Variants in HRH1 observed in about 807,000 individuals in gnomAD.
HRH1 encodes histamine receptor H1.
Under a neutral mutation model 10.3 loss-of-function variants are expected in HRH1, and 6 were observed. The observed-to-expected ratio is 0.58, with a 90% CI of 0.32 to 1.15. HRH1 has a LOEUF of 1.15. Among genes scored for constraint, HRH1 ranks in the 50% most tolerant of loss-of-function variants. The probability of loss-of-function intolerance (pLI) is 0.05; values close to 1 mark genes in which losing one functional copy is unlikely to be tolerated. For missense variants in HRH1, 514 were observed against 615.3 expected, an observed-to-expected ratio of 0.84 and a Z score of 1.74; for synonymous variants, 242 against 236.7, an observed-to-expected ratio of 1.02 and a Z score of -0.21.
chr3:11,141,781 A>T (rs1241467651), intron 1 of HRH1, among the ~76,000 whole-genome samples: 1 of 152,148 alleles, frequency 6.6e-6, no homozygotes. Flanking sequence ...TGGGTTACCC[A>T]AGAACATGAA....
intron 1 of HRH1, among the ~76,000 whole-genome samples, chr3:11,198,985 A>G (rs1937792308): frequency 6.6e-6 from 1 of 151,286 alleles, no homozygotes; most frequent in Non-Finnish European, 1.5e-5. Flanking sequence ...GTGCAGTGAC[A>G]CTATCTCAGT....
intron 1 of HRH1, among the ~76,000 whole-genome samples, chr3:11,177,253 T>TTAAA (rs201560218): frequency 0.055 from 8,282 of 149,370 alleles, 397 homozygotes; most frequent in East Asian, 0.21. Context: ...AATAAATAAA[T>TTAAA]TAAATAAATA....
upstream of HRH1, among the ~76,000 whole-genome samples, chr3:11,150,426 G>A (rs761391780): frequency 2.2e-4 from 34 of 152,390 alleles, no homozygotes; most frequent in South Asian, 4.1e-4. Flanking sequence ...CACCCAGAGG[G>A]TGCAGTCCCC....
chr3:11,187,663 A>G (rs1937472093), intron 1 of HRH1, among the ~76,000 whole-genome samples: 1 of 152,210 alleles, frequency 6.6e-6, no homozygotes, highest in Admixed American at 6.5e-5. Context: ...AGGAACAGGA[A>G]TGAGGACATT....
intron 1 of HRH1, among the ~76,000 whole-genome samples, chr3:11,243,835 C>A (rs766326983): frequency 6.6e-6 from 1 of 152,250 alleles, no homozygotes; most frequent in Non-Finnish European, 1.5e-5. Flanking sequence ...TGCTGTCCAG[C>A]TACCTGCCTT....
chr3:11,205,285 TGTGTA>T (rs1938076672), intron 1 of HRH1, among the ~76,000 whole-genome samples: 1 of 152,158 alleles, frequency 6.6e-6, no homozygotes, highest in African/African-American at 2.4e-5. Flanking sequence ...TGATCCCCTG[TGTGTA>T]GATCATCCAG....
At chr3:11,255,699 G>A (rs1039713173) in intron 1 of HRH1, among the ~76,000 whole-genome samples, 2 of 152,202 alleles carry the variant, frequency 1.3e-5, no homozygotes, top group African/African-American at 4.8e-5. Flanking sequence ...CAGGACAACT[G>A]GAAGCCGGGA....
chr3:11,201,453 A>C (rs1330928015), intron 1 of HRH1, among the ~76,000 whole-genome samples: 1 of 152,072 alleles, frequency 6.6e-6, no homozygotes. Flanking sequence ...GACTTGGGGG[A>C]CGGTAGAGGG....
At chr3:11,178,825 A>G (rs1181622154) in intron 1 of HRH1, among the ~76,000 whole-genome samples, 1 of 151,800 alleles carries the variant, frequency 6.6e-6, no homozygotes, top group African/African-American at 2.4e-5. Context: ...GGGAAACCTG[A>G]GCTAAGACGG....
intron 1 of HRH1, among the ~76,000 whole-genome samples, chr3:11,206,937 G>A (rs867328520): frequency 7.9e-5 from 12 of 152,168 alleles, no homozygotes; most frequent in African/African-American, 2.7e-4. Flanking sequence ...AGGAGTGTGG[G>A]GAGGTCTGAG....
intron 1 of HRH1, among the ~76,000 whole-genome samples, chr3:11,201,564 G>A (rs895697000): frequency 6.6e-6 from 1 of 152,162 alleles, no homozygotes; most frequent in African/African-American, 2.4e-5. Context: ...GGATCAGAGT[G>A]AGGGAAACCT....
intron 1 of HRH1, among the ~76,000 whole-genome samples, chr3:11,253,641 C>T (rs751208046): frequency 1.3e-5 from 2 of 152,118 alleles, no homozygotes; most frequent in Non-Finnish European, 1.5e-5. Context: ...TTACCATCTC[C>T]CTAAGGTCTC....
chr3:11,190,704 A>T (rs569857564), intron 1 of HRH1, among the ~76,000 whole-genome samples: 94 of 152,114 alleles, frequency 6.2e-4, no homozygotes, highest in African/African-American at 1.4e-3. Flanking sequence ...AAAAAAAAAA[A>T]TTTTAATTAG....
intron 1 of HRH1, among the ~76,000 whole-genome samples, chr3:11,233,279 G>A (rs1440256050): frequency 6.6e-6 from 1 of 152,042 alleles, no homozygotes; most frequent in African/African-American, 2.4e-5. Flanking sequence ...CTGGAGTTCT[G>A]TTTGTTTGTT....
chr3:11,240,464 G>C (rs1376224338), intron 1 of HRH1, among the ~76,000 whole-genome samples: 1 of 151,926 alleles, frequency 6.6e-6, no homozygotes, highest in Non-Finnish European at 1.5e-5. Flanking sequence ...TCTCCAGGTT[G>C]CCCCGATCCC....
chr3:11,259,083 G>A lies in HRH1; in HGVS notation c.46G>A (p.Glu16Lys). 6.2e-7 allele frequency: 1 copy of A among 1,612,272 alleles called. No individual in the cohort carries two copies. Among genetic ancestry groups the A allele is most frequent in the Non-Finnish European group, 8.5e-7 (1 of 1,179,204 alleles). The change falls in exon 2 of 2, where the codon GAG (glutamate) becomes AAG (lysine). Residue 16 changes from glutamate to lysine, a missense_variant. Transcript: ENST00000431010. This position sits in a 1 kb window ranked among gnomAD's most constrained non-coding sequence, Gnocchi z 4.6. ...SSCLLEDKMCEGNKTTMASPQ... is the reference protein window; with the variant it reads ...SSCLLEDKMCKGNKTTMASPQ... The stretch of plus-strand genomic sequence containing the variant: ...CTGCCTCTTAGAAGACAAGATGTGT[G>A]AGGGCAACAAGACCACTATGGCCAG...
Position 11,262,538 on chromosome 3 carries a change from GA to G in HRH1, c.*2039del. 6.0e-6 allele frequency: 1 copy of G among 167,228 alleles called. No individual in the cohort carries two copies. The allele number at this position is 167,228 out of a possible 1,614,324, so 10.4% of individuals were successfully genotyped here. On this transcript the variant is annotated 3_prime_UTR_variant, in exon 2 of 2. Coordinates refer to ENST00000431010, the MANE Select transcript of HRH1 (RefSeq NM_001098212.2). ...TTAGGAGACTTTAATCCCGGTTTCA[GA>G]AGCTGCAGCTGGTCTGTTTCCAGGT...
chr3:11,176,053 G>A (rs1937242537), intron 1 of HRH1, among the ~76,000 whole-genome samples: 1 of 151,832 alleles, frequency 6.6e-6, no homozygotes, highest in Non-Finnish European at 1.5e-5. Flanking sequence ...CACACCTGTA[G>A]TCCCAGCTAC....
At chr3:11,158,118 A>G (rs1346341303) in intron 1 of HRH1, among the ~76,000 whole-genome samples, 1 of 152,262 alleles carries the variant, frequency 6.6e-6, no homozygotes, top group Non-Finnish European at 1.5e-5. Flanking sequence ...TGAGGCTAAT[A>G]TAGCACCCAC....
Sources: allele counts gnomAD v4.1 joint callset (sites outside exome capture counted in the v4.1 genomes callset), GRCh38; gene constraint gnomAD v4.1.1; non-coding constraint Gnocchi (gnomAD v3.1); transcripts MANE v1.5; gene names NCBI Gene and HGNC (gene_info 2026-07-23, HGNC 2026-07-21).